The following GJA8 variants were observed in gnomAD, a reference collection of about 807,000 sequenced individuals.
GJA8 encodes the protein gap junction protein alpha 8.
GJA8 carries 13 observed loss-of-function variants against 15.3 expected under a neutral mutation model. That is an observed-to-expected ratio of 0.85 (90% confidence interval 0.55 to 1.35). The LOEUF (loss-of-function observed/expected upper bound fraction) is 1.35. Among genes scored for constraint, GJA8 ranks in the 40% most tolerant of loss-of-function variants. GJA8 has a pLI of 0.00. For missense variants in GJA8, 607 were observed against 553.3 expected, an observed-to-expected ratio of 1.10 and a Z score of -0.97; for synonymous variants, 304 against 238.7, an observed-to-expected ratio of 1.27 and a Z score of -2.52.
intron 1 of GJA8, among the ~76,000 whole-genome samples, chr1:147,903,901 T>C (rs1553241929): frequency 1.3e-5 from 2 of 151,928 alleles, no homozygotes; most frequent in African/African-American, 4.8e-5. Context: ...ATGATGAAAA[T>C]AGACTGTAGT....
Position 147,908,662 on chromosome 1 carries a change from T to G in GJA8, c.707T>G (p.Leu236Trp). The G allele has an allele frequency of 6.2e-7, 1 of 1,614,070 alleles. No individual in the cohort carries two copies. Among genetic ancestry groups the G allele is most frequent in the Non-Finnish European group, 8.5e-7 (1 of 1,179,948 alleles). ...GGCCTGAAGGGGATCCGGTCTGCCT[T>G]GAAGAGGCCTGTAGAGCAGCCCCTG... is the stretch of plus-strand genomic sequence containing the variant. ...HLGLKGIRSA[L>W]KRPVEQPLGE... The change falls in exon 2 of 2, where the codon TTG (leucine) becomes TGG (tryptophan). Residue 236 changes from leucine to tryptophan, a missense_variant. Transcript: ENST00000369235.
the GJA8 span, among the ~76,000 whole-genome samples, chr1:147,914,325 G>T: frequency 4.2e-3 from 634 of 152,288 alleles, 17 homozygotes; most frequent in Admixed American, 0.038. Context: ...AGTTTGTTAT[G>T]AAGCACATTC....
chr1:147,908,603 C>A lies in GJA8; in HGVS notation c.648C>A (p.Ser216=). The A allele has an allele frequency of 1.9e-6, 3 of 1,614,058 alleles. No homozygotes were observed. In the East Asian group the frequency reaches 6.7e-5, roughly 36 times the overall value. Residue 216 remains serine, a synonymous_variant, in exon 2 of 2, where the codon TCC becomes TCA. Coordinates refer to ENST00000369235, the MANE Select transcript of GJA8 (RefSeq NM_005267.5). The stretch of plus-strand genomic sequence containing the variant: ...TCATGTTGTCTGTGGCCTCTGTGTC[C>A]CTATTCCTCAACGTGATGGAGTTGG... ...ILFMLSVASV[S]LFLNVMELGH...
downstream of GJA8, chr1:147,909,274 A>AG: frequency 6.4e-7 from 1 of 1,563,420 alleles, no homozygotes; most frequent in Non-Finnish European, 8.8e-7. Context: ...GCCAAAGAAA[A>AG]AAAAAAAAAC....
chr1:147,912,950 C>T (rs1652235178), downstream of GJA8, among the ~76,000 whole-genome samples: 2 of 150,816 alleles, frequency 1.3e-5, no homozygotes, highest in South Asian at 4.2e-4. Flanking sequence ...GTCTGCTTTT[C>T]ACCATGTCTT....
chr1:147,911,815 G>A (rs587669934), downstream of GJA8, among the ~76,000 whole-genome samples: 27 of 151,900 alleles, frequency 1.8e-4, no homozygotes, highest in African/African-American at 5.3e-4. Flanking sequence ...AAAGAAAAAC[G>A]ATATCCTGTT....
At chr1:147,907,429 G>C (rs968320996) in intron 1 of GJA8, among the ~76,000 whole-genome samples, 1 of 151,948 alleles carries the variant, frequency 6.6e-6, no homozygotes, top group Non-Finnish European at 1.5e-5. Flanking sequence ...TCAAATATAC[G>C]ATCATTATAT....
rs782147633 is a variant in GJA8 at position 147,909,099 on chromosome 1, G to T, written c.1144G>T (p.Glu382Ter). ...VETPGVDKEGEKEEPQSEKVS... is the reference protein window; with the variant it reads ...VETPGVDKEG ...GACCCCCGGAGTGGATAAGGAGGGT[G>T]AAAAAGAAGAGCCGCAGTCGGAGAA... The change falls in exon 2 of 2, where the codon GAA (glutamate) becomes TAA (stop). Residue 382 changes from glutamate (E) to a stop codon, truncating the protein, a stop_gained. Transcript: ENST00000369235. LOFTEE classifies it high-confidence loss of function. 2.2e-5 allele frequency: 35 copies of T among 1,612,968 alleles called. No homozygotes were observed. Among genetic ancestry groups the T allele is most frequent in the Non-Finnish European group, 8.5e-7 (1 of 1,179,494 alleles).
Position 147,908,413 on chromosome 1 carries a change from GC to G in GJA8, c.460del (p.His154ThrfsTer68). 1 of 1,614,166 alleles carries G rather than the reference GC, an allele frequency of 6.2e-7. No homozygotes were observed. The highest frequency in any genetic ancestry group is 8.5e-7 in the Non-Finnish European group (1 of 1,180,018). On this transcript the variant is annotated frameshift_variant, in exon 2 of 2. Transcript: ENST00000369235. LOFTEE classifies it high-confidence loss of function. Reference protein sequence around the residue: ...LEGTLLRTYICHIIFKTLFEV... With the variant: ...LEGTLLRTYIXHIIFKTLFEV... ...GGGACCCTGCTGAGGACCTACATCT[GC>G]CACATCATCTTCAAGACCCTCTTTG...
At position 147,909,139 on chromosome 1, in the gene GJA8, G is replaced by T. The variant is rs1299375649; in HGVS notation, c.1184G>T (p.Gly395Val). The part of the protein sequence containing the change: ...EPQSEKVSKQ[G>V]LPAEKTPSLC... ...CAGTCGGAGAAGGTGTCAAAGCAAG[G>T]GCTGCCAGCTGAGAAGACACCTTCA... The change falls in exon 2 of 2, where the codon GGG becomes GTG. Residue 395 changes from glycine (G) to valine (V), a missense_variant. Transcript: ENST00000369235. 1.2e-6 allele frequency: 2 copies of T among 1,613,864 alleles called. No individual in the cohort carries two copies. Among genetic ancestry groups the T allele is most frequent in the African/African-American group, 2.7e-5 (2 of 74,876 alleles).
downstream of GJA8, among the ~76,000 whole-genome samples, chr1:147,909,503 G>A (rs587633158): frequency 1.1e-4 from 16 of 152,148 alleles, no homozygotes; most frequent in South Asian, 1.5e-3. Context: ...GGACTACCCC[G>A]CTCCTCCAAC....
downstream of GJA8, among the ~76,000 whole-genome samples, chr1:147,913,923 T>G (rs1166792971): frequency 2.0e-5 from 3 of 152,176 alleles, no homozygotes; most frequent in Non-Finnish European, 4.4e-5. Context: ...GCAAGGAGAC[T>G]TTCCCCTTTT....
Position 147,909,263 on chromosome 1 carries a change from C to G in GJA8, c.*6C>G. ...CAGACGATCTAACCGTATGAAGTGA[C>G]GCCAAAGAAAAAAAAAAAAACGCCC... On this transcript the variant is annotated 3_prime_UTR_variant, in exon 2 of 2. Coordinates refer to ENST00000369235, the MANE Select transcript of GJA8 (RefSeq NM_005267.5). The G allele has an allele frequency of 8.1e-7, 1 of 1,232,254 alleles. No homozygotes were observed. The highest frequency in any genetic ancestry group is 1.1e-6 in the Non-Finnish European group (1 of 872,790). The allele number at this position is 1,232,254 out of a possible 1,614,324, so 76.3% of individuals were successfully genotyped here.
intron 1 of GJA8, among the ~76,000 whole-genome samples, chr1:147,905,806 G>T (rs6593818): frequency 0.24 from 36,796 of 152,004 alleles, 5,365 homozygotes; most frequent in African/African-American, 0.4. Flanking sequence ...GAGCTGCTGG[G>T]TCCTTCCCCC....
rs200110674 is a variant in GJA8, at chr1:147,908,392, C to T, written c.437C>T (p.Thr146Ile). ...KGTKKFRLEG[T>I]LLRTYICHII... Reference sequence around the variant, plus strand: ...ACTAAGAAGTTCCGGCTGGAGGGGACCCTGCTGAGGACCTACATCTGCCAC... The same window carrying T: ...ACTAAGAAGTTCCGGCTGGAGGGGATCCTGCTGAGGACCTACATCTGCCAC... The change falls in exon 2 of 2, where the codon ACC becomes ATC. Residue 146 changes from threonine (T) to isoleucine (I), a missense_variant. Thr to Ile is a moderately conservative substitution (Grantham distance 89). Coordinates refer to ENST00000369235, the MANE Select transcript of GJA8 (RefSeq NM_005267.5). 41 of 1,614,204 alleles carry T rather than the reference C, an allele frequency of 2.5e-5. No homozygotes were observed. The highest frequency in any genetic ancestry group is 1.9e-4 in the South Asian group (17 of 91,088).
chr1:147,905,424 G>C (rs1651752451), intron 1 of GJA8, among the ~76,000 whole-genome samples: 1 of 152,232 alleles, frequency 6.6e-6, no homozygotes, highest in Non-Finnish European at 1.5e-5. Context: ...GGGTATGTGA[G>C]TGAAATACAC....
downstream of GJA8, among the ~76,000 whole-genome samples, chr1:147,910,252 A>G (rs781853977): frequency 7.2e-5 from 11 of 152,252 alleles, no homozygotes; most frequent in Non-Finnish European, 1.3e-4. Context: ...AAATATGTGC[A>G]AGCCACATTT....
At position 147,908,232 on chromosome 1, in the gene GJA8, G is replaced by A. The variant is rs782348605; in HGVS notation, c.277G>A (p.Val93Met). 3.1e-6 allele frequency: 5 copies of A among 1,614,190 alleles called. No individual in the cohort carries two copies. The highest frequency in any genetic ancestry group is 4.5e-5 in the East Asian group (2 of 44,890). Residue 93 changes from valine (V) to methionine (M), a missense_variant, in exon 2 of 2, where the codon GTG (valine) becomes ATG (methionine). By Grantham distance (21) the Val-to-Met change is conservative. Transcript: ENST00000369235. Reference sequence around the variant, plus strand: ...CGTCTCCACCCCGTCCCTGATGTACGTGGGGCACGCGGTGCACTACGTCCG... The same window carrying A: ...CGTCTCCACCCCGTCCCTGATGTACATGGGGCACGCGGTGCACTACGTCCG... ...IFVSTPSLMY[V>M]GHAVHYVRME...
intron 1 of GJA8, among the ~76,000 whole-genome samples, chr1:147,907,338 C>T (rs1651839817): frequency 6.6e-6 from 1 of 152,160 alleles, no homozygotes; most frequent in Non-Finnish European, 1.5e-5. Flanking sequence ...CTAGCAGGAT[C>T]AAGTTAAATG....
Sources: allele counts gnomAD v4.1 joint callset (sites outside exome capture counted in the v4.1 genomes callset), GRCh38; gene constraint gnomAD v4.1.1; transcripts MANE v1.5; gene names NCBI Gene and HGNC (gene_info 2026-07-23, HGNC 2026-07-21).